RPTOR: variants seen among roughly 807,000 people sequenced by gnomAD.
The protein encoded by RPTOR is regulatory-associated protein of mTOR.
Under a neutral mutation model 169.9 loss-of-function variants are expected in RPTOR, and 21 were observed. The ratio of observed to expected loss-of-function variants is 0.12; its 90% CI spans 0.09 to 0.18. The LOEUF is 0.18. Ranked by LOEUF, RPTOR falls within the 10% of genes least tolerant of loss-of-function variation. The pLI is 1.00. For synonymous variants in RPTOR, 732 were observed against 753.2 expected, an observed-to-expected ratio of 0.97 and a Z score of 0.46; for missense variants, 1,133 against 1,855.9, an observed-to-expected ratio of 0.61 and a Z score of 7.16.
intron 5 of RPTOR, among the ~76,000 whole-genome samples, chr17:80,752,570 T>C (rs890282699): frequency 2.6e-5 from 4 of 152,238 alleles, no homozygotes; most frequent in Non-Finnish European, 5.9e-5. Flanking sequence ...GTGAACTTCA[T>C]TATTTCTGAA....
chr17:80,840,330 C>T lies in RPTOR; in HGVS notation c.1212+2333C>T, dbSNP rs1032769956. Among the ~76,000 whole-genome samples, 125 of 150,084 alleles carry T rather than the reference C, an allele frequency of 8.3e-4. 1 individual carries two copies. Among genetic ancestry groups the T allele is most frequent in the Non-Finnish European group, 2.2e-4 (15 of 67,318 alleles). On this transcript the variant is annotated intron_variant, in intron 10 of 33. Coordinates refer to ENST00000306801, the MANE Select transcript of RPTOR (RefSeq NM_020761.3). The stretch of plus-strand genomic sequence containing the variant: ...TCACCGCACGGCAGCTCACTCTCAC[C>T]GCACGGCAGCTCACACTCACCACAC...
At chr17:80,621,217 C>G (rs2065351665) in intron 1 of RPTOR, among the ~76,000 whole-genome samples, 1 of 152,190 alleles carries the variant, frequency 6.6e-6, no homozygotes, top group Admixed American at 6.5e-5. Flanking sequence ...GGTGAGGCCC[C>G]TAGCCATCCC....
rs190478064 is a variant in RPTOR, at chr17:80,799,124, C to T, written c.890+7615C>T. On this transcript the variant is annotated intron_variant, in intron 7 of 33. Coordinates refer to ENST00000306801, the MANE Select transcript of RPTOR (RefSeq NM_020761.3). The stretch of plus-strand genomic sequence containing the variant: ...GAACCTGCTTGGGCGTCCCTGCCTT[C>T]GTTAAATGAACTGATCTTGGATCCA... Among the ~76,000 whole-genome samples, 315 of 152,324 alleles carry T rather than the reference C, an allele frequency of 2.1e-3. 2 individuals are homozygous for T. Among genetic ancestry groups the T allele is most frequent in the Non-Finnish European group, 1.5e-3 (101 of 68,028 alleles).
intron 1 of RPTOR, among the ~76,000 whole-genome samples, chr17:80,613,375 C>T (rs1428718741): frequency 6.6e-6 from 1 of 152,214 alleles, no homozygotes. Flanking sequence ...GGACAGGGCA[C>T]ATCTTGTTCA....
chr17:80,897,642 G>A (rs1026307533), intron 20 of RPTOR, among the ~76,000 whole-genome samples: 10 of 152,182 alleles, frequency 6.6e-5, no homozygotes, highest in Middle Eastern at 3.2e-3. Flanking sequence ...TATTTCTTTG[G>A]GCGCTCCCCA....
intron 20 of RPTOR, among the ~76,000 whole-genome samples, chr17:80,903,875 G>A (rs1359542938): frequency 6.6e-6 from 1 of 152,212 alleles, no homozygotes; most frequent in Non-Finnish European, 1.5e-5. Flanking sequence ...AAGGAACTGT[G>A]TAGGTTTGGA....
intron 4 of RPTOR, among the ~76,000 whole-genome samples, chr17:80,722,186 C>T (rs2066292326): frequency 6.6e-6 from 1 of 151,008 alleles, no homozygotes; most frequent in African/African-American, 2.5e-5. Context: ...GTGCCGTCAT[C>T]ATCATCATCA....
Position 80,945,676 on chromosome 17 carries a change from G to A in RPTOR, c.3035G>A (p.Arg1012Lys). Reference protein sequence around the residue: ...AQQVIQKGITRLDDQIFLNRN... With the variant: ...AQQVIQKGITKLDDQIFLNRN... Reference sequence around the variant, plus strand: ...GTGTTTCTTTTGACAGGCATTACGAGATTGGACGACCAAATATTTCTGAAC... The same window carrying A: ...GTGTTTCTTTTGACAGGCATTACGAAATTGGACGACCAAATATTTCTGAAC... Residue 1012 changes from arginine (R) to lysine (K), a missense_variant, in exon 26 of 34, where the codon AGA becomes AAA. Coordinates refer to ENST00000306801, the MANE Select transcript of RPTOR (RefSeq NM_020761.3). 6.2e-7 allele frequency: 1 copy of A among 1,610,006 alleles called. No homozygotes were observed. The highest frequency in any genetic ancestry group is 1.3e-5 in the African/African-American group (1 of 74,526).
intron 6 of RPTOR, 30 bp from the exon 7 acceptor site, chr17:80,791,420 T>C: frequency 6.2e-7 from 1 of 1,609,330 alleles, no homozygotes; most frequent in Non-Finnish European, 8.5e-7. Context: ...GTTCCATTCA[T>C]GCCGTTCACA....
intron 4 of RPTOR, among the ~76,000 whole-genome samples, chr17:80,720,866 CT>C (rs1263253055): frequency 6.8e-6 from 1 of 146,516 alleles, no homozygotes; most frequent in Non-Finnish European, 1.5e-5. Flanking sequence ...CTGCTGCTGT[CT>C]GGGTTGTCTG....
chr17:80,747,132 G>A (rs144071469), intron 5 of RPTOR, among the ~76,000 whole-genome samples: 4 of 152,176 alleles, frequency 2.6e-5, no homozygotes, highest in African/African-American at 7.2e-5. Context: ...GAGGTGAATC[G>A]CTTGAACCTG....
chr17:80,567,234 G>A (rs2064853324), intron 1 of RPTOR, among the ~76,000 whole-genome samples: 1 of 151,732 alleles, frequency 6.6e-6, no homozygotes, highest in Admixed American at 6.6e-5. Context: ...GCCTCTCAAA[G>A]TACTGGGATT....
intron 4 of RPTOR, among the ~76,000 whole-genome samples, chr17:80,711,637 T>G (rs1160697051): frequency 6.6e-6 from 1 of 152,186 alleles, no homozygotes; most frequent in Non-Finnish European, 1.5e-5. Context: ...TTATGCGTTT[T>G]TAGTTCCTCT....
intron 3 of RPTOR, among the ~76,000 whole-genome samples, chr17:80,665,821 G>A (rs1424872590): frequency 6.6e-6 from 1 of 152,138 alleles, no homozygotes; most frequent in African/African-American, 2.4e-5. Context: ...GGGATTACAG[G>A]CGTGAGCCAC....
chr17:80,635,719 G>A (rs1249838208), intron 2 of RPTOR, among the ~76,000 whole-genome samples: 2 of 152,176 alleles, frequency 1.3e-5, no homozygotes, highest in Non-Finnish European at 2.9e-5. Context: ...GGACCAGGGT[G>A]GTTCTGGATG....
chr17:80,880,644 C>A (rs754971637), intron 14 of RPTOR, among the ~76,000 whole-genome samples, 155 bp downstream of exon 14: 8 of 152,220 alleles, frequency 5.3e-5, no homozygotes, highest in African/African-American at 1.9e-4. Context: ...AACTGCTTCA[C>A]GTTAGACATG....
At chr17:80,652,313 T>A (rs1404991490) in intron 3 of RPTOR, among the ~76,000 whole-genome samples, 1 of 152,092 alleles carries the variant, frequency 6.6e-6, no homozygotes, top group Non-Finnish European at 1.5e-5. Flanking sequence ...GGCAGTCATT[T>A]CTCCTCCCCC....
Position 80,923,577 on chromosome 17 carries a change from C to T in RPTOR, c.2712C>T (p.Gly904=), listed in dbSNP as rs1403512749. ...KQPVSRDLPS[G]RPGTTGPAGA... is the part of the protein sequence containing the mutation. ...CGGTCAGCCGAGACTTGCCTTCTGG[C>T]CGGCCGGGCACCACAGGCCCCGCTG... Residue 904 remains glycine, a synonymous_variant, in exon 23 of 34, where the codon GGC becomes GGT. Transcript: ENST00000306801. 2.5e-6 allele frequency: 4 copies of T among 1,613,344 alleles called. No homozygotes were observed. The highest frequency in any genetic ancestry group is 3.4e-6 in the Non-Finnish European group (4 of 1,179,984).
intron 1 of RPTOR, among the ~76,000 whole-genome samples, chr17:80,598,083 C>T (rs1016452115): frequency 6.6e-6 from 1 of 152,072 alleles, no homozygotes; most frequent in Admixed American, 6.5e-5. Context: ...CTGAGGCCAC[C>T]GTGAGCCGTG....
Sources: gnomAD v4.1 joint callset for allele counts (sites outside exome capture counted in the v4.1 genomes callset) on GRCh38, gnomAD v4.1.1 for gene constraint, MANE v1.5 for transcripts, NCBI Gene and HGNC (gene_info 2026-07-23, HGNC 2026-07-21) for gene names.